The following DRG2 variants were observed in gnomAD, a reference collection of about 807,000 sequenced individuals.
DRG2 encodes the protein developmentally regulated GTP binding protein 2.
In DRG2, 36 loss-of-function variants were observed where a neutral mutation model predicts 53.4. The observed-to-expected ratio is 0.67, with a 90% confidence interval of 0.52 to 0.89. The LOEUF is 0.89. DRG2 is among the 40% of genes least tolerant of loss of function. The pLI is 0.00. For synonymous variants in DRG2, 167 were observed against 192.1 expected (o/e 0.87, Z 1.08); for missense variants, 342 against 481.2 (o/e 0.71, Z 2.71).
intron 2 of DRG2, among the ~76,000 whole-genome samples, chr17:18,094,620 G>A (rs1335252778): frequency 4.6e-5 from 7 of 152,088 alleles, no homozygotes; most frequent in African/African-American, 7.2e-5. Context: ...AGAGGATAGC[G>A]GCATATGGGC....
Position 18,104,676 on chromosome 17 carries a change from C to T in DRG2, c.949C>T (p.His317Tyr), listed in dbSNP as rs749983778. The change falls in exon 11 of 13, where the codon CAC becomes TAC. Residue 317 changes from histidine (H) to tyrosine (Y), a missense_variant. Transcript: ENST00000225729. ...IILRKGASVE[H>Y]VCHRIHRSLA... The stretch of plus-strand genomic sequence containing the variant: ...TCTCCGGAAAGGGGCCTCAGTGGAG[C>T]ACGTGGTGAGTTGACAAGACCTGCC... The T allele has an allele frequency of 2.5e-6, 4 of 1,613,862 alleles. 1 individual carries two copies. Among genetic ancestry groups the T allele is most frequent in the Non-Finnish European group, 3.4e-6 (4 of 1,180,024 alleles).
intron 11 of DRG2, 102 bp downstream of exon 11, chr17:18,104,783 G>A: frequency 1.3e-6 from 2 of 1,576,636 alleles, no homozygotes; most frequent in Non-Finnish European, 1.7e-6. Context: ...GGCTCTGCTG[G>A]TCTCACTCTC....
At position 18,101,992 on chromosome 17, in the gene DRG2, C is replaced by G; in HGVS notation, c.801C>G (p.Val267=). 1 of 1,608,390 alleles carries G rather than the reference C, an allele frequency of 6.2e-7. No individual in the cohort carries two copies. The highest frequency in any genetic ancestry group is 2.2e-5 in the East Asian group (1 of 44,630). ...TGGCCCGAAAACCCAACAGTGTGGT[C>G]ATCAGGTGAGGCCACTGGCATCCTG... ...DRLARKPNSV[V]ISCGMKLNLD... is the part of the protein sequence containing the mutation. Residue 267 remains valine (V), a synonymous_variant, in exon 9 of 13, where the codon GTC becomes GTG. Transcript: ENST00000225729.
At chr17:18,094,932 C>CCAT (rs1011930068) in intron 2 of DRG2, among the ~76,000 whole-genome samples, 3 of 125,330 alleles carry the variant, frequency 2.4e-5, no homozygotes, top group African/African-American at 9.6e-5. Flanking sequence ...CGAGATTGCA[C>CCAT]CATTGCACTC....
rs2045511806 is a variant in DRG2 at position 18,100,473 on chromosome 17, C to T, written c.540+38C>T. The T allele has an allele frequency of 6.2e-7, 1 of 1,613,986 alleles. No homozygotes were observed. Among genetic ancestry groups the T allele is most frequent in the African/African-American group, 1.3e-5 (1 of 74,942 alleles). ...TCTGGCCTTCAGGCCAGGGGTGTGG[C>T]AGTTTTGAGACTGCATTGGCTGGCG... On this transcript the variant is annotated intron_variant, in intron 6 of 12. Transcript: ENST00000225729. This position sits in a 1 kb window ranked among gnomAD's most constrained non-coding sequence, Gnocchi z 4.1.
At position 18,100,326 on chromosome 17, in the gene DRG2, G is replaced by T. The variant is rs1567603538; in HGVS notation, c.468-37G>T. ...GGGAAGCTGTGCATCTGGCTCTGTGGACAGCCTGTGAGGGGCTTAAGGGGT... is the reference window on the plus strand; with the variant it reads ...GGGAAGCTGTGCATCTGGCTCTGTGTACAGCCTGTGAGGGGCTTAAGGGGT... On this transcript the variant is annotated intron_variant, in intron 5 of 12. Transcript: ENST00000225729. This position sits in a 1 kb window ranked among gnomAD's most constrained non-coding sequence, Gnocchi z 4.1. 6.2e-7 allele frequency: 1 copy of T among 1,607,836 alleles called. No homozygotes were observed. Among genetic ancestry groups the T allele is most frequent in the Non-Finnish European group, 8.5e-7 (1 of 1,174,648 alleles).
intron 2 of DRG2, chr17:18,095,431 G>C (rs1322659946): frequency 3.4e-5 from 3 of 88,144 alleles, no homozygotes; most frequent in African/African-American, 1.4e-4. Context: ...TTTCACTCTT[G>C]TTGCCCAAGC....
At chr17:18,089,140 C>G (rs1567597203) in intron 1 of DRG2, among the ~76,000 whole-genome samples, 1 of 152,024 alleles carries the variant, frequency 6.6e-6, no homozygotes, top group Non-Finnish European at 1.5e-5. Flanking sequence ...TTCTGTAAAT[C>G]TTTTTTGTTT....
rs745379735 is a variant in DRG2 at position 18,100,681 on chromosome 17, G to A, written c.631+22G>A. On this transcript the variant is annotated intron_variant, in intron 7 of 12. Coordinates refer to ENST00000225729, the MANE Select transcript of DRG2 (RefSeq NM_001388.5). The surrounding 1 kb of genome is among the most constrained non-coding windows in gnomAD (Gnocchi z 4.1). ...TACAGTATCCTTCCCTGAAAGACAC[G>A]TGAAGGAGGGCAGCCACCACCGTCA... 23 of 1,603,736 alleles carry A rather than the reference G, an allele frequency of 1.4e-5. No homozygotes were observed. Among genetic ancestry groups the A allele is most frequent in the South Asian group, 7.8e-5 (7 of 89,516 alleles).
chr17:18,097,886 G>A (rs1038680803), intron 2 of DRG2: 2 of 175,338 alleles, frequency 1.1e-5, no homozygotes, highest in African/African-American at 2.4e-5. Context: ...TGCACAGCAT[G>A]TCTGGGTACT....
In DRG2 at chr17:18,100,709, G is replaced by A. The variant is rs192547261; in HGVS notation, c.631+50G>A. ...AAGGAGGGCAGCCACCACCGTCAGC[G>A]CAGCGGGGGGACTGACTAAGACAGG... On this transcript the variant is annotated intron_variant, in intron 7 of 12. Coordinates refer to ENST00000225729, the MANE Select transcript of DRG2 (RefSeq NM_001388.5). The surrounding 1 kb of genome is among the most constrained non-coding windows in gnomAD (Gnocchi z 4.1). The A allele has an allele frequency of 2.2e-4, 335 of 1,546,980 alleles. No homozygotes were observed. The African/African-American group carries it at 3.0e-3, about 14-fold the overall frequency.
Position 18,107,141 on chromosome 17 carries a change from A to C in DRG2, c.1009-13A>C. On this transcript the variant is annotated splice_polypyrimidine_tract_variant and intron_variant, in intron 12 of 12. Transcript: ENST00000225729. ...AGGCTGAGGTGACCCCTCTGCCCCC[A>C]TTCCTCACCCAGGGCACCAGCACCA... 6.2e-7 allele frequency: 1 copy of C among 1,612,838 alleles called. No homozygotes were observed. The highest frequency in any genetic ancestry group is 1.7e-5 in the Admixed American group (1 of 60,012).
In DRG2 at chr17:18,087,953, G is replaced by A. The variant is rs1210868275; in HGVS notation, c.-71G>A. Reference sequence around the variant, plus strand: ...TTGGCTTCCGGGCGCACGCTACTCTGTCGCCGCCGTCAGACCGGAATTGCC... The same window carrying A: ...TTGGCTTCCGGGCGCACGCTACTCTATCGCCGCCGTCAGACCGGAATTGCC... On this transcript the variant is annotated 5_prime_UTR_variant, in exon 1 of 13. Coordinates refer to ENST00000225729, the MANE Select transcript of DRG2 (RefSeq NM_001388.5). The A allele has an allele frequency of 1.3e-6, 2 of 1,517,570 alleles. No homozygotes were observed. The highest frequency in any genetic ancestry group is 2.0e-5 in the Admixed American group (1 of 49,856). The allele number at this position is 1,517,570 out of a possible 1,614,324, so 94.0% of individuals were successfully genotyped here.
At position 18,106,461 on chromosome 17, in the gene DRG2, G is replaced by A. The variant is rs1225517818; in HGVS notation, c.983G>A (p.Ser328Asn). 1.9e-6 allele frequency: 3 copies of A among 1,614,034 alleles called. No individual in the cohort carries two copies. In the African/African-American group the frequency reaches 4.0e-5, roughly 22 times the overall value. ...VCHRIHRSLA[S>N]QFKYALVWGT... is the part of the protein sequence containing the mutation. Reference sequence around the variant, plus strand: ...CACCGCATCCACCGGTCACTCGCCAGCCAGTTCAAGTACGCCCTGGTGTGG... The same window carrying A: ...CACCGCATCCACCGGTCACTCGCCAACCAGTTCAAGTACGCCCTGGTGTGG... The change falls in exon 12 of 13, where the codon AGC (serine) becomes AAC (asparagine). Residue 328 changes from serine (S) to asparagine (N), a missense_variant. Physicochemically the swap from Ser to Asn is conservative, Grantham distance 46. Transcript: ENST00000225729.
At position 18,099,237 on chromosome 17, in the gene DRG2, C is replaced by T. The variant is rs2045483970; in HGVS notation, c.376+160C>T. 8.9e-6 allele frequency: 8 copies of T among 903,414 alleles called. No homozygotes were observed. The highest frequency in any genetic ancestry group is 2.5e-5 in the Admixed American group (1 of 39,984). 56.0% of individuals were successfully genotyped at this position (903,414 alleles called of 1,614,324 possible). ...TTCAAATCCTTGGCACCAAACTAGC[C>T]TTGTGATCTTGGGCAAGTGATTGGG... On this transcript the variant is annotated intron_variant, in intron 4 of 12. Transcript: ENST00000225729. The surrounding 1 kb of genome is among the most constrained non-coding windows in gnomAD (Gnocchi z 4.4).
intron 1 of DRG2, among the ~76,000 whole-genome samples, chr17:18,091,047 G>A (rs2045325843): frequency 6.6e-6 from 1 of 152,164 alleles, no homozygotes; most frequent in Non-Finnish European, 1.5e-5. Flanking sequence ...CTGTGTGCCT[G>A]GGCCCTGTGC....
In DRG2 at chr17:18,090,386, A is replaced by T. The variant is rs373135014; in HGVS notation, c.64+2299A>T. Among the ~76,000 whole-genome samples the T allele has an allele frequency of 2.1e-3, 22 of 10,654 alleles. 6 individuals are homozygous for T. Among genetic ancestry groups the T allele is most frequent in the African/African-American group, 2.7e-3 (4 of 1,502 alleles). 7.0% of individuals were successfully genotyped at this position (10,654 alleles called of 152,430 possible). ...GGCTAATTTATATATATATATATAT[A>T]TATATATATATATATATATATTTTT... On this transcript the variant is annotated intron_variant, in intron 1 of 12. Coordinates refer to ENST00000225729, the MANE Select transcript of DRG2 (RefSeq NM_001388.5).
At chr17:18,093,757 C>A in intron 1 of DRG2, 56 bp from the exon 2 acceptor site, 1 of 1,585,032 alleles carries the variant, frequency 6.3e-7, no homozygotes, top group Non-Finnish European at 8.6e-7. Context: ...CCCTGCCTGA[C>A]CCCTGGGCTT....
chr17:18,100,569 C>A lies in DRG2; in HGVS notation c.541C>A (p.Pro181Thr). 2 of 1,614,202 alleles carry A rather than the reference C, an allele frequency of 1.2e-6. No homozygotes were observed. Among genetic ancestry groups the A allele is most frequent in the Non-Finnish European group, 1.7e-6 (2 of 1,180,030 alleles). ...NKHKPNIYFKPKKGGGISFNS... is the reference protein window; with the variant it reads ...NKHKPNIYFKTKKGGGISFNS... ...TCCCCATCCCTTTCTCCTCTTTCAG[C>A]CCAAGAAAGGTGGTGGCATCTCCTT... is the stretch of plus-strand genomic sequence containing the variant. Residue 181 changes from proline to threonine, a missense_variant and splice_region_variant, in exon 7 of 13, where the codon CCC becomes ACC. Pro to Thr is a conservative substitution (Grantham distance 38). Transcript: ENST00000225729. The surrounding 1 kb of genome is among the most constrained non-coding windows in gnomAD (Gnocchi z 4.1).
Sources: allele counts gnomAD v4.1 joint callset (sites outside exome capture counted in the v4.1 genomes callset), GRCh38; gene constraint gnomAD v4.1.1; non-coding constraint Gnocchi (gnomAD v3.1); transcripts MANE v1.5; gene names NCBI Gene and HGNC (gene_info 2026-07-23, HGNC 2026-07-21).